DISP1: variants seen among roughly 807,000 people sequenced by gnomAD.
The protein encoded by DISP1 is dispatched RND transporter family member 1.
DISP1 carries 30 observed loss-of-function variants against 37.3 expected under a neutral mutation model. The observed-to-expected ratio is 0.80, with a 90% confidence interval of 0.60 to 1.09. The LOEUF is 1.09. DISP1 is among the 50% of genes least tolerant of loss of function. The probability of loss-of-function intolerance (pLI) is 0.00; values close to 1 mark genes in which losing one functional copy is unlikely to be tolerated. For missense variants in DISP1, 1,598 were observed against 1,879.5 expected (o/e 0.85, Z 2.77); for synonymous variants, 634 against 690.2 (o/e 0.92, Z 1.28).
intron 3 of DISP1, chr1:222,979,594 G>A (rs1396146168): frequency 2.1e-6 from 1 of 470,938 alleles, no homozygotes; most frequent in South Asian, 1.5e-5. Context: ...TGAAAATACA[G>A]CTTTTGGGGG....
intron 1 of DISP1, among the ~76,000 whole-genome samples, chr1:222,919,337 C>T (rs979941048): frequency 2.0e-5 from 3 of 152,154 alleles, no homozygotes; most frequent in Admixed American, 6.6e-5. Flanking sequence ...GGAAGTCACG[C>T]CCCGAGCGCA....
At chr1:222,833,973 G>A (rs34713681) in intron 1 of DISP1, among the ~76,000 whole-genome samples, 16,494 of 152,150 alleles carry the variant, frequency 0.11, 1,258 homozygotes, top group South Asian at 0.16. Context: ...CTATTTAAAT[G>A]TCCAGTGTCC....
chr1:222,914,223 T>C (rs748665152), intron 1 of DISP1, among the ~76,000 whole-genome samples: 16 of 152,146 alleles, frequency 1.1e-4, no homozygotes, highest in Admixed American at 2.0e-4. Flanking sequence ...ACTTTTCAAA[T>C]ATAGTACTTA....
chr1:222,821,265 CTT>C (rs1662812617), intron 1 of DISP1, among the ~76,000 whole-genome samples: 1 of 152,204 alleles, frequency 6.6e-6, no homozygotes, highest in African/African-American at 2.4e-5. Context: ...TGTGAAGTAA[CTT>C]TTCTATTTAA....
rs1406550073 is a variant in DISP1 at position 223,002,373 on chromosome 1, C to G, written c.988-12C>G. 6.2e-7 allele frequency: 1 copy of G among 1,612,194 alleles called. No individual in the cohort carries two copies. Among genetic ancestry groups the G allele is most frequent in the Non-Finnish European group, 8.5e-7 (1 of 1,178,504 alleles). On this transcript the variant is annotated splice_polypyrimidine_tract_variant and intron_variant, in intron 8 of 8. Transcript: ENST00000675850. Reference sequence around the variant, plus strand: ...TAAACTGTAGTCCTTCTGCTTGTCTCTATCTCTGCAGATCAGATCTCATCC... The same window carrying G: ...TAAACTGTAGTCCTTCTGCTTGTCTGTATCTCTGCAGATCAGATCTCATCC...
intron 1 of DISP1, among the ~76,000 whole-genome samples, chr1:222,868,262 G>T (rs942008960): frequency 2.0e-5 from 3 of 151,878 alleles, no homozygotes; most frequent in Admixed American, 2.0e-4. Context: ...CTGATTGAAG[G>T]CATAGTGATG....
At position 222,942,898 on chromosome 1, in the gene DISP1, G is replaced by A. The variant is rs61746477; in HGVS notation, c.75G>A (p.Pro25=). 0.092 allele frequency: 148,690 copies of A among 1,613,938 alleles called. 7,687 individuals carry two copies. Among genetic ancestry groups the A allele is most frequent in the South Asian group, 0.18 (16,343 of 91,068 alleles). The change falls in exon 3 of 9, where the codon CCG becomes CCA. Residue 25 remains proline, a synonymous_variant. Transcript: ENST00000675850. ...NSSIATSAAN[P]SPLTPCDGDH... is the part of the protein sequence containing the mutation. Reference sequence around the variant, plus strand: ...GCATCGCAACCAGTGCTGCTAACCCGAGTCCCCTCACCCCCTGTGATGGAG... The same window carrying A: ...GCATCGCAACCAGTGCTGCTAACCCAAGTCCCCTCACCCCCTGTGATGGAG...
chr1:222,841,674 T>G (rs1438436148), intron 1 of DISP1, among the ~76,000 whole-genome samples: 1 of 152,204 alleles, frequency 6.6e-6, no homozygotes, highest in Non-Finnish European at 1.5e-5. Flanking sequence ...ACTGTACTTG[T>G]CTTTTATCAT....
chr1:222,975,670 T>C (rs1427903996), intron 3 of DISP1, among the ~76,000 whole-genome samples: 1 of 152,212 alleles, frequency 6.6e-6, no homozygotes, highest in Non-Finnish European at 1.5e-5. Flanking sequence ...ACAGTCTCAT[T>C]AGTTGTCCTC....
At chr1:222,992,154 GCATT>G in intron 7 of DISP1, 44 bp downstream of exon 7, 1 of 1,455,060 alleles carries the variant, frequency 6.9e-7, no homozygotes. Context: ...CAGTTTGCTC[GCATT>G]TAAAATTGAA....
intron 3 of DISP1, chr1:222,979,687 A>T: frequency 2.1e-6 from 1 of 470,778 alleles, no homozygotes; most frequent in Non-Finnish European, 4.4e-6. Context: ...CTGAAAGCCC[A>T]GTCTGTGTAA....
At chr1:222,825,800 C>A (rs1664234470) in intron 1 of DISP1, among the ~76,000 whole-genome samples, 1 of 152,026 alleles carries the variant, frequency 6.6e-6, no homozygotes, top group African/African-American at 2.4e-5. Context: ...ACCACTGTGC[C>A]CAGCTGAATA....
chr1:222,887,496 T>TG (rs1212364643), intron 1 of DISP1, among the ~76,000 whole-genome samples: 3 of 122,228 alleles, frequency 2.5e-5, no homozygotes, highest in Non-Finnish European at 3.6e-5. Flanking sequence ...GTTTTTTTTT[T>TG]TTTTTTTTTT....
In DISP1 at chr1:223,003,708, C is replaced by T; in HGVS notation, c.2311C>T (p.Leu771Phe). Residue 771 changes from leucine (L) to phenylalanine (F), a missense_variant, in exon 9 of 9, where the codon CTT becomes TTT. Transcript: ENST00000675850. This position sits in a 1 kb window ranked among gnomAD's most constrained non-coding sequence, Gnocchi z 4.3. ...GCGTTATGATGCTGAATACAAAAAG[C>T]TTTTCATGTTTGAACGTGTTCACCA... is the stretch of plus-strand genomic sequence containing the variant. ...FERYDAEYKKLFMFERVHHGE... is the reference protein window; with the variant it reads ...FERYDAEYKKFFMFERVHHGE... 6.2e-6 allele frequency: 10 copies of T among 1,614,130 alleles called. No homozygotes were observed. The highest frequency in any genetic ancestry group is 8.5e-6 in the Non-Finnish European group (10 of 1,180,032).
chr1:222,829,793 C>T (rs1665298090), intron 1 of DISP1, among the ~76,000 whole-genome samples: 1 of 152,072 alleles, frequency 6.6e-6, no homozygotes, highest in Non-Finnish European at 1.5e-5. Flanking sequence ...TATATTTTTT[C>T]ATATATTCTT....
intron 4 of DISP1, 22 bp from the exon 5 acceptor site, chr1:222,990,603 G>T: frequency 1.2e-6 from 2 of 1,613,564 alleles, no homozygotes; most frequent in Non-Finnish European, 1.7e-6. Context: ...TCTGATAGCC[G>T]ACACTTCTTT....
intron 1 of DISP1, among the ~76,000 whole-genome samples, chr1:222,853,637 G>C (rs1334256901): frequency 2.6e-5 from 4 of 151,986 alleles, no homozygotes; most frequent in Non-Finnish European, 5.9e-5. Flanking sequence ...AATAAGCCAG[G>C]AACAGTAAAT....
rs61746480 is a variant in DISP1 at position 223,005,178 on chromosome 1, G to A, written c.3781G>A (p.Val1261Met). ...LLQPPLEQHT[V>M]CHFFSLNQRC... ...ACAGCCCCCTCTTGAACAGCATACC[G>A]TGTGTCACTTCTTCTCTCTGAATCA... Residue 1261 changes from valine to methionine, a missense_variant, in exon 9 of 9, where the codon GTG becomes ATG. Coordinates refer to ENST00000675850, the MANE Select transcript of DISP1 (RefSeq NM_001377229.1). 7.1e-3 allele frequency: 11,504 copies of A among 1,614,110 alleles called. 562 individuals carry two copies. The African/African-American group carries it at 0.12, about 17-fold the overall frequency.
intron 1 of DISP1, among the ~76,000 whole-genome samples, chr1:222,825,899 C>A (rs552497881): frequency 6.6e-6 from 1 of 152,112 alleles, no homozygotes; most frequent in South Asian, 2.1e-4. Context: ...GCTGTGCTTA[C>A]CAAATTGTTT....
Sources: gnomAD v4.1 joint callset for allele counts (sites outside exome capture counted in the v4.1 genomes callset) on GRCh38, gnomAD v4.1.1 for gene constraint, Gnocchi (gnomAD v3.1) non-coding constraint, MANE v1.5 for transcripts, NCBI Gene and HGNC (gene_info 2026-07-23, HGNC 2026-07-21) for gene names.